ICA1: variants seen among roughly 807,000 people sequenced by gnomAD.
The protein encoded by ICA1 is 69 kDa islet cell autoantigen.
A neutral mutation model predicts 71.0 loss-of-function variants in ICA1; 40 were observed. The ratio of observed to expected loss-of-function variants is 0.56; its 90% CI spans 0.44 to 0.73. The LOEUF is 0.73. Ranked by LOEUF, ICA1 falls within the 30% of genes least tolerant of loss-of-function variation. The pLI, the probability that ICA1 is intolerant of heterozygous loss-of-function variation, is 0.00. For synonymous variants in ICA1, 207 were observed against 209.5 expected (o/e 0.99, Z 0.10); for missense variants, 578 against 576.5 (o/e 1.00, Z -0.03).
At chr7:8,124,572 G>A (rs1235670455) in intron 13 of ICA1, among the ~76,000 whole-genome samples, 3 of 152,044 alleles carry the variant, frequency 2.0e-5, no homozygotes, top group Non-Finnish European at 4.4e-5. Context: ...GAAGCATAAT[G>A]TCCATCCTTC....
At chr7:8,189,579 A>G (rs1784918735) in intron 6 of ICA1, among the ~76,000 whole-genome samples, 1 of 152,034 alleles carries the variant, frequency 6.6e-6, no homozygotes, top group Non-Finnish European at 1.5e-5. Flanking sequence ...TTTTTTTTAA[A>G]TGGTGGTTCG....
At chr7:8,168,339 C>T (rs1425161974) in intron 6 of ICA1, among the ~76,000 whole-genome samples, 5 of 152,092 alleles carry the variant, frequency 3.3e-5, no homozygotes, top group Non-Finnish European at 7.4e-5. Flanking sequence ...TTATCAGATA[C>T]CACCTATTAC....
rs761790126 is a variant in ICA1, at chr7:8,128,041, C to T, written c.1162G>A (p.Gly388Ser). The change falls in exon 13 of 14, where the codon GGC becomes AGC. Residue 388 changes from glycine (G) to serine (S), a missense_variant. Coordinates refer to ENST00000402384, the MANE Select transcript of ICA1 (RefSeq NM_001136020.3). Reference protein sequence around the residue: ...EIFNASSLEEGEFSKEWAAVF... With the variant: ...EIFNASSLEESEFSKEWAAVF... ...GCGGCCCACTCTTTGCTGAACTCGC[C>T]CTCTTCCAAGGAGGAAGCATTGAAG... is the stretch of plus-strand genomic sequence containing the variant. The T allele has an allele frequency of 5.0e-6, 8 of 1,614,204 alleles. No homozygotes were observed. Among genetic ancestry groups the T allele is most frequent in the Non-Finnish European group, 5.9e-6 (7 of 1,180,032 alleles).
rs758924172 is a variant in ICA1, at chr7:8,113,905, C to A, written c.*18G>T. Reference sequence around the variant, plus strand: ...CTGCTGGGGGCGGCATGTGAGTGCCCTCCCGAAGGGTACAGATTCATGCAT... The same window carrying A: ...CTGCTGGGGGCGGCATGTGAGTGCCATCCCGAAGGGTACAGATTCATGCAT... On this transcript the variant is annotated 3_prime_UTR_variant, in exon 14 of 14. Coordinates refer to ENST00000402384, the MANE Select transcript of ICA1 (RefSeq NM_001136020.3). This position sits in a 1 kb window ranked among gnomAD's most constrained non-coding sequence, Gnocchi z 4.2. 6.2e-7 allele frequency: 1 copy of A among 1,614,028 alleles called. No individual in the cohort carries two copies. The highest frequency in any genetic ancestry group is 8.5e-7 in the Non-Finnish European group (1 of 1,179,938).
intron 1 of ICA1, 21 bp downstream of exon 1, chr7:8,262,073 C>G (rs987043423): frequency 2.0e-5 from 3 of 152,216 alleles, no homozygotes; most frequent in Non-Finnish European, 2.9e-5. Flanking sequence ...CGCCCCCGCC[C>G]CGACCCCGGA....
chr7:8,209,546 T>A (rs910345706), intron 6 of ICA1, among the ~76,000 whole-genome samples: 1 of 152,206 alleles, frequency 6.6e-6, no homozygotes, highest in Non-Finnish European at 1.5e-5. Flanking sequence ...CAATTTGGGT[T>A]CGAGGATGTG....
chr7:8,210,786 C>G (rs1793491336), intron 6 of ICA1, among the ~76,000 whole-genome samples: 1 of 152,174 alleles, frequency 6.6e-6, no homozygotes. Flanking sequence ...GTGATCATGG[C>G]TTACTGCAAT....
intron 8 of ICA1, among the ~76,000 whole-genome samples, chr7:8,149,937 A>G (rs900513819): frequency 6.6e-6 from 1 of 152,232 alleles, no homozygotes; most frequent in Non-Finnish European, 1.5e-5. Flanking sequence ...GACATTTAGC[A>G]CATACGTACT....
At chr7:8,253,428 A>C (rs1808891498) in intron 1 of ICA1, among the ~76,000 whole-genome samples, 2 of 152,216 alleles carry the variant, frequency 1.3e-5, no homozygotes, top group African/African-American at 4.8e-5. Context: ...AGAAGTAAAA[A>C]TGTAAGGACA....
intron 1 of ICA1, among the ~76,000 whole-genome samples, chr7:8,247,966 T>C (rs750767586): frequency 1.3e-5 from 2 of 152,204 alleles, no homozygotes; most frequent in Non-Finnish European, 2.9e-5. Flanking sequence ...CTAAAACTTA[T>C]CAGGCAGCAA....
intron 1 of ICA1, among the ~76,000 whole-genome samples, chr7:8,246,412 G>C (rs1257581306): frequency 6.6e-6 from 1 of 152,222 alleles, no homozygotes; most frequent in Non-Finnish European, 1.5e-5. Flanking sequence ...TTGGTGAGGA[G>C]GAGGCTCTGT....
chr7:8,256,200 G>A (rs957467185), intron 1 of ICA1, among the ~76,000 whole-genome samples: 4 of 152,164 alleles, frequency 2.6e-5, no homozygotes, highest in Non-Finnish European at 4.4e-5. Context: ...CTGTGTACCT[G>A]TCCATTCCAA....
At chr7:8,219,076 G>T (rs1796252024) in intron 5 of ICA1, 1 of 160,982 alleles carries the variant, frequency 6.2e-6, no homozygotes, top group Non-Finnish European at 1.4e-5. Context: ...TAGGTTACAT[G>T]ATTTAATCCT....
chr7:8,128,594 G>A (rs1172513174), intron 12 of ICA1, among the ~76,000 whole-genome samples: 5 of 152,114 alleles, frequency 3.3e-5, no homozygotes, highest in South Asian at 4.2e-4. Context: ...AGGATGGGGA[G>A]AGAACTTTCA....
At chr7:8,232,557 C>T (rs1318499134) in intron 3 of ICA1, 33 bp downstream of exon 3, 2 of 1,568,138 alleles carry the variant, frequency 1.3e-6, no homozygotes, top group South Asian at 2.5e-5. Context: ...AGCAAGGTGG[C>T]TGTGTTGGGG....
chr7:8,213,438 C>T (rs193254866), intron 6 of ICA1, among the ~76,000 whole-genome samples: 5 of 152,254 alleles, frequency 3.3e-5, no homozygotes, highest in Non-Finnish European at 5.9e-5. Flanking sequence ...CCCAGCCCTA[C>T]CTTAGACACT....
At chr7:8,128,255 A>G (rs557770852) in intron 12 of ICA1, 113 bp from the exon 13 acceptor site, 1 of 1,062,676 alleles carries the variant, frequency 9.4e-7, no homozygotes, top group African/African-American at 1.6e-5. Context: ...TTTAAGAAAA[A>G]TGTCATCAAA....
chr7:8,232,543 T>A, intron 3 of ICA1, 47 bp downstream of exon 3: 3 of 1,541,592 alleles, frequency 1.9e-6, no homozygotes, highest in Non-Finnish European at 2.6e-6. Flanking sequence ...AGGACCTTGA[T>A]CCTAGCAAGG....
chr7:8,189,815 T>G (rs1259777223), intron 6 of ICA1, among the ~76,000 whole-genome samples: 1 of 152,178 alleles, frequency 6.6e-6, no homozygotes, highest in Non-Finnish European at 1.5e-5. Flanking sequence ...AGGCAGCAGC[T>G]GCAGGAGCCT....
Sources: allele counts gnomAD v4.1 joint callset (sites outside exome capture counted in the v4.1 genomes callset), GRCh38; gene constraint gnomAD v4.1.1; non-coding constraint Gnocchi (gnomAD v3.1); transcripts MANE v1.5; gene names NCBI Gene and HGNC (gene_info 2026-07-23, HGNC 2026-07-21).